The following SLC2A13 variants were observed in gnomAD, a reference collection of about 807,000 sequenced individuals.
SLC2A13 encodes proton myo-inositol cotransporter.
Under a neutral mutation model 64.4 loss-of-function variants are expected in SLC2A13, and 32 were observed. The observed-to-expected ratio is 0.50, with a 90% CI of 0.37 to 0.67. The LOEUF is 0.67. Ranked by LOEUF, SLC2A13 falls within the 30% of genes least tolerant of loss-of-function variation. The pLI, the probability that SLC2A13 is intolerant of heterozygous loss-of-function variation, is 0.00. For synonymous variants in SLC2A13, 338 were observed against 327.1 expected (o/e 1.03, Z -0.36); for missense variants, 743 against 829.2 (o/e 0.90, Z 1.28).
Position 39,977,351 on chromosome 12 carries a change from G to A in SLC2A13, c.926-25986C>T, listed in dbSNP as rs1209314443. Among the ~76,000 whole-genome samples, 4 of 152,178 alleles carry A rather than the reference G, an allele frequency of 2.6e-5. No individual in the cohort carries two copies. The East Asian group carries it at 7.7e-4, about 29-fold the overall frequency. On this transcript the variant is annotated intron_variant, in intron 3 of 9. Transcript: ENST00000280871. ...TTCCCACATATCAAACTGTGTCTCT[G>A]ATCTCTTTCAGCCATTGAATTAGCA...
chr12:40,064,153 G>A (rs1433117684), intron 1 of SLC2A13, among the ~76,000 whole-genome samples: 1 of 152,078 alleles, frequency 6.6e-6, no homozygotes, highest in Non-Finnish European at 1.5e-5. Context: ...GCTGTGTCAG[G>A]ATGATCACTT....
Position 39,808,101 on chromosome 12 carries a change from C to A in SLC2A13, c.1445+22002G>T, listed in dbSNP as rs562494434. Among the ~76,000 whole-genome samples the A allele has an allele frequency of 2.6e-5, 4 of 152,134 alleles. No homozygotes were observed. The East Asian group carries it at 5.8e-4, about 22-fold the overall frequency. ...AAGAGAGTAAACATTTCCATAACACCAAAAATTTCCTTCATGCCCAACTCC... is the reference window on the plus strand; with the variant it reads ...AAGAGAGTAAACATTTCCATAACACAAAAAATTTCCTTCATGCCCAACTCC... On this transcript the variant is annotated intron_variant, in intron 7 of 9. Coordinates refer to ENST00000280871, the MANE Select transcript of SLC2A13 (RefSeq NM_052885.4).
At chr12:39,768,313 C>T (rs1316885590) in intron 7 of SLC2A13, among the ~76,000 whole-genome samples, 1 of 152,038 alleles carries the variant, frequency 6.6e-6, no homozygotes, top group African/African-American at 2.4e-5. Context: ...TTCTTCATAT[C>T]GGCAATAAGG....
At chr12:39,859,942 T>C (rs1265275090) in intron 6 of SLC2A13, among the ~76,000 whole-genome samples, 2 of 152,194 alleles carry the variant, frequency 1.3e-5, no homozygotes, top group Non-Finnish European at 2.9e-5. Context: ...AGAGGTAATA[T>C]GCTAGGCATC....
At chr12:40,049,980 A>C (rs1948229893) in intron 1 of SLC2A13, among the ~76,000 whole-genome samples, 1 of 152,160 alleles carries the variant, frequency 6.6e-6, no homozygotes, top group South Asian at 2.1e-4. Flanking sequence ...GTGCTAATAG[A>C]CACAGTATTA....
intron 4 of SLC2A13, among the ~76,000 whole-genome samples, chr12:39,897,458 GT>G (rs1011754449): frequency 5.3e-5 from 8 of 152,164 alleles, no homozygotes; most frequent in African/African-American, 1.4e-4. Flanking sequence ...GGATGCAGAT[GT>G]TTCAATGTTT....
intron 3 of SLC2A13, among the ~76,000 whole-genome samples, chr12:40,003,973 A>AT (rs1947364387): frequency 6.6e-6 from 1 of 151,896 alleles, no homozygotes; most frequent in Non-Finnish European, 1.5e-5. Flanking sequence ...AGCCTGGGCA[A>AT]TGAGAGCAAA....
rs1216714200 is a variant in SLC2A13, at chr12:40,001,984, T to C, written c.925+26317A>G. Among the ~76,000 whole-genome samples, 3 of 152,228 alleles carry C rather than the reference T, an allele frequency of 2.0e-5. No homozygotes were observed. The East Asian group carries it at 5.8e-4, about 29-fold the overall frequency. On this transcript the variant is annotated intron_variant, in intron 3 of 9. Transcript: ENST00000280871. ...AGCAAAATTTAACCTAGCAAATAGA[T>C]GATTTTATTAAGTAGGTGATCTTAC... is the stretch of plus-strand genomic sequence containing the variant.
chr12:39,787,467 T>G (rs1402816765), intron 7 of SLC2A13, among the ~76,000 whole-genome samples: 4 of 152,284 alleles, frequency 2.6e-5, no homozygotes, highest in South Asian at 4.1e-4. Context: ...GAGAAATCCT[T>G]TATCGGGATT....
intron 3 of SLC2A13, among the ~76,000 whole-genome samples, chr12:39,977,094 G>T (rs1333706307): frequency 6.6e-6 from 1 of 152,236 alleles, no homozygotes; most frequent in South Asian, 2.1e-4. Context: ...AAAGGATGAG[G>T]GGTTTGGAAA....
At chr12:39,993,042 T>C (rs979326289) in intron 3 of SLC2A13, among the ~76,000 whole-genome samples, 7 of 152,228 alleles carry the variant, frequency 4.6e-5, no homozygotes, top group Non-Finnish European at 1.0e-4. Context: ...ATTTAAAGTT[T>C]ATTGCTCTCT....
intron 1 of SLC2A13, among the ~76,000 whole-genome samples, chr12:40,071,406 G>A (rs770974754): frequency 1.3e-5 from 2 of 152,082 alleles, no homozygotes; most frequent in African/African-American, 2.4e-5. Flanking sequence ...TGTCTTTAGT[G>A]TTGAATTCAA....
intron 3 of SLC2A13, among the ~76,000 whole-genome samples, chr12:39,988,956 T>C (rs1354691228): frequency 3.9e-5 from 6 of 152,164 alleles, no homozygotes; most frequent in Admixed American, 3.9e-4. Flanking sequence ...CCAGCATCTC[T>C]TTCCCAAATT....
At chr12:40,101,641 G>C (rs1035731639) in intron 1 of SLC2A13, among the ~76,000 whole-genome samples, 28 of 152,074 alleles carry the variant, frequency 1.8e-4, no homozygotes, top group African/African-American at 6.3e-4. Flanking sequence ...ACCTCTAAAA[G>C]CTCTCCAAAT....
intron 1 of SLC2A13, among the ~76,000 whole-genome samples, chr12:40,100,262 T>A (rs1939098917): frequency 6.6e-6 from 1 of 152,226 alleles, no homozygotes. Flanking sequence ...AATCCCGTGC[T>A]GTATAAATTA....
intron 4 of SLC2A13, among the ~76,000 whole-genome samples, chr12:39,889,633 A>C (rs980258762): frequency 6.6e-6 from 1 of 151,030 alleles, no homozygotes; most frequent in Non-Finnish European, 1.5e-5. Flanking sequence ...CCTGGGTTCA[A>C]GCCATTCTCC....
chr12:40,043,907 T>C (rs757748521), intron 2 of SLC2A13, among the ~76,000 whole-genome samples: 2 of 152,074 alleles, frequency 1.3e-5, no homozygotes, highest in African/African-American at 2.4e-5. Flanking sequence ...GAATGCAAAA[T>C]AATACAGCCA....
intron 1 of SLC2A13, among the ~76,000 whole-genome samples, chr12:40,081,937 T>C (rs745848150): frequency 4.6e-5 from 7 of 152,216 alleles, no homozygotes; most frequent in Non-Finnish European, 8.8e-5. Flanking sequence ...GTCTGGATGA[T>C]TGCAGGGGGC....
intron 1 of SLC2A13, among the ~76,000 whole-genome samples, chr12:40,063,579 T>G (rs1306084295): frequency 1.3e-5 from 2 of 152,138 alleles, no homozygotes; most frequent in East Asian, 3.8e-4. Flanking sequence ...TCAAAACCCT[T>G]GCCCAGAAGT....
Sources: gnomAD v4.1 joint callset for allele counts (sites outside exome capture counted in the v4.1 genomes callset) on GRCh38, gnomAD v4.1.1 for gene constraint, MANE v1.5 for transcripts, NCBI Gene and HGNC (gene_info 2026-07-23, HGNC 2026-07-21) for gene names.